The following ATP8A1 variants were observed in gnomAD, a reference collection of about 807,000 sequenced individuals.
ATP8A1 encodes the protein ATPase phospholipid transporting 8A1.
In ATP8A1, 90 loss-of-function variants were observed where a neutral mutation model predicts 177.7. The observed-to-expected ratio is 0.51, with a 90% CI of 0.43 to 0.60. The LOEUF (loss-of-function observed/expected upper bound fraction) is 0.60, where lower values mean the gene tolerates loss of function less well. Ranked by LOEUF, ATP8A1 falls within the 20% of genes least tolerant of loss-of-function variation. The pLI is 0.00. For synonymous variants in ATP8A1, 493 were observed against 485.9 expected, an observed-to-expected ratio of 1.01 and a Z score of -0.19; for missense variants, 1,072 against 1,392.8, an observed-to-expected ratio of 0.77 and a Z score of 3.67.
chr4:42,549,753 T>G (rs1275875320), intron 18 of ATP8A1, among the ~76,000 whole-genome samples: 1 of 152,062 alleles, frequency 6.6e-6, no homozygotes, highest in Non-Finnish European at 1.5e-5. Flanking sequence ...TAGCTATGAC[T>G]GCACCACTGC....
At chr4:42,621,764 T>C (rs1737482857) in intron 4 of ATP8A1, among the ~76,000 whole-genome samples, 1 of 152,190 alleles carries the variant, frequency 6.6e-6, no homozygotes, top group African/African-American at 2.4e-5. Flanking sequence ...ACAGCCCAAA[T>C]AGCCAAGGCA....
chr4:42,520,521 T>C (rs745690404), intron 22 of ATP8A1, among the ~76,000 whole-genome samples: 4 of 152,122 alleles, frequency 2.6e-5, no homozygotes, highest in Non-Finnish European at 4.4e-5. Flanking sequence ...CATAATCATA[T>C]ATAAATATGT....
chr4:42,639,413 A>G (rs1296637562), intron 1 of ATP8A1, among the ~76,000 whole-genome samples: 1 of 152,202 alleles, frequency 6.6e-6, no homozygotes, highest in Non-Finnish European at 1.5e-5. Context: ...AGATGATACA[A>G]TGTTGTTAAC....
Position 42,559,409 on chromosome 4 carries a change from A to G in ATP8A1, c.1341-3369T>C, listed in dbSNP as rs751915472. ...ATAAATGGCTTTATATATACATTCA[A>G]CTTTACCTCATAATGAGAGAGGTGA... On this transcript the variant is annotated intron_variant, in intron 15 of 36. Transcript: ENST00000381668. Among the ~76,000 whole-genome samples the G allele has an allele frequency of 1.6e-3, 238 of 152,356 alleles. 1 individual carries two copies. Among genetic ancestry groups the G allele is most frequent in the Non-Finnish European group, 2.4e-3 (161 of 68,034 alleles).
At chr4:42,652,643 G>A (rs1353806551) in intron 1 of ATP8A1, among the ~76,000 whole-genome samples, 1 of 152,082 alleles carries the variant, frequency 6.6e-6, no homozygotes, top group African/African-American at 2.4e-5. Context: ...AAGTGTTGTG[G>A]AAGAGACCTG....
At chr4:42,483,050 C>T (rs562888840) in intron 25 of ATP8A1, among the ~76,000 whole-genome samples, 1 of 152,152 alleles carries the variant, frequency 6.6e-6, no homozygotes, top group East Asian at 1.9e-4. Context: ...ATCTGAGAAA[C>T]GAGGAGTGAC....
intron 1 of ATP8A1, among the ~76,000 whole-genome samples, chr4:42,630,728 C>T (rs568715528): frequency 6.6e-6 from 1 of 152,328 alleles, no homozygotes; most frequent in East Asian, 1.9e-4. Flanking sequence ...CCCATTTTCT[C>T]TGGGTTCAGA....
chr4:42,611,336 T>A (rs1156489886), intron 5 of ATP8A1, among the ~76,000 whole-genome samples: 1 of 152,160 alleles, frequency 6.6e-6, no homozygotes, highest in African/African-American at 2.4e-5. Flanking sequence ...TTCTAAATAA[T>A]CAGAAAACTG....
At chr4:42,419,975 C>T (rs1197519747) in intron 35 of ATP8A1, among the ~76,000 whole-genome samples, 3 of 151,966 alleles carry the variant, frequency 2.0e-5, no homozygotes, top group Non-Finnish European at 4.4e-5. Context: ...TGCACTCCAG[C>T]CCGGGTGACA....
At chr4:42,476,065 C>G (rs1159889761) in intron 25 of ATP8A1, among the ~76,000 whole-genome samples, 1 of 151,860 alleles carries the variant, frequency 6.6e-6, no homozygotes, top group Non-Finnish European at 1.5e-5. Flanking sequence ...AATACTAAAA[C>G]CAGAGAAGTA....
At chr4:42,445,408 TTTTTC>T (rs935252178) in intron 31 of ATP8A1, among the ~76,000 whole-genome samples, 35 of 152,340 alleles carry the variant, frequency 2.3e-4, no homozygotes, top group African/African-American at 7.7e-4. Flanking sequence ...AGAGATTTTT[TTTTTC>T]TTTTCTTGAG....
chr4:42,432,319 T>G (rs186991759), intron 33 of ATP8A1, among the ~76,000 whole-genome samples: 1 of 152,292 alleles, frequency 6.6e-6, no homozygotes, highest in East Asian at 1.9e-4. Context: ...TATCTATATT[T>G]TTATGGCAAG....
intron 2 of ATP8A1, 76 bp from the exon 3 acceptor site, chr4:42,625,789 C>T: frequency 1.4e-6 from 1 of 694,506 alleles, no homozygotes. Context: ...CTGTTACTAA[C>T]ATATAAAAAG....
intron 33 of ATP8A1, among the ~76,000 whole-genome samples, chr4:42,426,681 T>C (rs1449863624): frequency 2.0e-5 from 3 of 152,274 alleles, no homozygotes; most frequent in African/African-American, 7.2e-5. Context: ...TCTCTGGTTC[T>C]TTCCAGTGAT....
intron 5 of ATP8A1, among the ~76,000 whole-genome samples, chr4:42,602,379 G>A (rs1366244234): frequency 1.3e-5 from 2 of 152,204 alleles, no homozygotes; most frequent in Non-Finnish European, 2.9e-5. Context: ...CTGACCCGGA[G>A]TCAAAACAGC....
intron 5 of ATP8A1, 58 bp downstream of exon 5, chr4:42,615,975 T>G: frequency 6.8e-7 from 1 of 1,465,450 alleles, no homozygotes; most frequent in African/African-American, 1.4e-5. Context: ...ATTGAAGTGT[T>G]TGTATATACT....
intron 20 of ATP8A1, among the ~76,000 whole-genome samples, chr4:42,542,728 T>C: frequency 6.6e-6 from 1 of 152,146 alleles, no homozygotes; most frequent in Non-Finnish European, 1.5e-5. Flanking sequence ...AGAATGATGG[T>C]TTCCAGCTTC....
intron 19 of ATP8A1, among the ~76,000 whole-genome samples, chr4:42,546,584 A>T (rs1465424810): frequency 1.5e-5 from 2 of 137,428 alleles, no homozygotes; most frequent in African/African-American, 3.4e-5. Context: ...AGTATAATAA[A>T]AAAAAAAAAA....
At chr4:42,570,325 C>CT (rs2109315781) in intron 14 of ATP8A1, among the ~76,000 whole-genome samples, 1 of 152,320 alleles carries the variant, frequency 6.6e-6, no homozygotes, top group East Asian at 1.9e-4. Context: ...CCTTTGTGGG[C>CT]TGGACTCCAA....
Sources: allele counts gnomAD v4.1 joint callset (sites outside exome capture counted in the v4.1 genomes callset), GRCh38; gene constraint gnomAD v4.1.1; transcripts MANE v1.5; gene names NCBI Gene and HGNC (gene_info 2026-07-23, HGNC 2026-07-21).